The following PKD1 variants were observed in gnomAD, a reference collection of about 807,000 sequenced individuals.
PKD1 encodes the protein polycystin 1, transient receptor potential channel interacting, also known as polycystin-1.
Under a neutral mutation model 361.7 loss-of-function variants are expected in PKD1, and 81 were observed. The observed-to-expected ratio is 0.22, with a 90% CI of 0.19 to 0.27. The LOEUF is 0.27. Among genes scored for constraint, PKD1 ranks in the 10% least tolerant of loss-of-function variants. PKD1 has a pLI of 1.00. For missense variants in PKD1, 6,399 were observed against 6,118.3 expected (o/e 1.05, Z -1.53); for synonymous variants, 3,615 against 2,818.3 (o/e 1.28, Z -8.95).
intron 11 of PKD1, 84 bp from the exon 12 acceptor site, chr16:2,113,376 C>G (rs897375317): frequency 7.7e-7 from 1 of 1,299,946 alleles, no homozygotes; most frequent in African/African-American, 1.5e-5. Flanking sequence ...TCCCGTCGGG[C>G]TGGAGAGTCC....
intron 1 of PKD1, among the ~76,000 whole-genome samples, chr16:2,126,008 G>T (rs1029198225): frequency 2.6e-5 from 4 of 152,076 alleles, no homozygotes; most frequent in East Asian, 1.9e-4. Context: ...GGATGGTGGG[G>T]GGGGGGGCAA....
At chr16:2,091,709 C>T (rs987743414) in intron 41 of PKD1, 72 bp downstream of exon 41, 77 of 1,585,826 alleles carry the variant, frequency 4.9e-5, no homozygotes, top group Non-Finnish European at 6.3e-5. Flanking sequence ...CAGCGGGGGC[C>T]GGAGGAGTGA....
chr16:2,115,101 C>T (rs759856181), intron 10 of PKD1, 176 bp from the exon 11 acceptor site: 17 of 983,932 alleles, frequency 1.7e-5, no homozygotes, highest in African/African-American at 1.0e-4. Flanking sequence ...GGGGGACACA[C>T]GGGGAGAGGA....
rs372970971 is a variant in PKD1 at position 2,110,019 on chromosome 16, C to A, written c.5148G>T (p.Glu1716Asp). Residue 1716 changes from glutamate (E) to aspartate (D), a missense_variant, in exon 15 of 46, where the codon GAG becomes GAT. Transcript: ENST00000262304. ...CGGCCACCATCAGCCACCCCACAGG[C>A]TCCACGAAGTCCATGGTGCAGTCGG... ...AWADCTMDFV[E>D]PVGWLMVAAS... 1.2e-6 allele frequency: 2 copies of A among 1,610,398 alleles called. No individual in the cohort carries two copies. Among genetic ancestry groups the A allele is most frequent in the South Asian group, 1.1e-5 (1 of 90,964 alleles).
In PKD1 at chr16:2,102,648, G is replaced by C. The variant is rs374621309; in HGVS notation, c.8949-15C>G. The C allele has an allele frequency of 8.0e-5, 129 of 1,610,892 alleles. No homozygotes were observed. In the African/African-American group the frequency reaches 1.5e-3, roughly 19 times the overall value. Reference sequence around the variant, plus strand: ...GGTCTCTGCTCCTGGGCAGGGAAGGGGTAGCGGACGTGAGCCCAGGCTCCG... The same window carrying C: ...GGTCTCTGCTCCTGGGCAGGGAAGGCGTAGCGGACGTGAGCCCAGGCTCCG... On this transcript the variant is annotated splice_polypyrimidine_tract_variant and intron_variant, in intron 24 of 45. Transcript: ENST00000262304.
At chr16:2,098,365 T>C (rs1423756113) in intron 30 of PKD1, among the ~76,000 whole-genome samples, 18 of 152,126 alleles carry the variant, frequency 1.2e-4, no homozygotes, top group African/African-American at 2.4e-4. Flanking sequence ...CCTGCCACCA[T>C]GCCCAGCTAA....
intron 12 of PKD1, 62 bp from the exon 13 acceptor site, chr16:2,113,025 C>A: frequency 6.7e-7 from 1 of 1,501,862 alleles, no homozygotes; most frequent in Admixed American, 1.7e-5. Context: ...TGATTGGCGT[C>A]CCTCCCTCCA....
In PKD1 at chr16:2,116,576, G is replaced by C. The variant is rs1370990233; in HGVS notation, c.1675C>G (p.Pro559Ala). Residue 559 changes from proline (P) to alanine (A), a missense_variant, in exon 8 of 46, where the codon CCT becomes GCT. Pro to Ala is a conservative substitution (Grantham distance 27, BLOSUM62 -1). Transcript: ENST00000262304. ...PSGDLQGPLT[P>A]LAQQDGLSAP... ...GAGAGGCCGTCCTGCTGTGCCAGAGGCGTCAGGGGTCCCTGCAGGTCCCCA... is the reference window on the plus strand; with the variant it reads ...GAGAGGCCGTCCTGCTGTGCCAGAGCCGTCAGGGGTCCCTGCAGGTCCCCA... 47 of 1,571,092 alleles carry C rather than the reference G, an allele frequency of 3.0e-5. No homozygotes were observed. Among genetic ancestry groups the C allele is most frequent in the Non-Finnish European group, 4.0e-5 (47 of 1,162,746 alleles).
In PKD1 at chr16:2,091,465, C is replaced by T. The variant is rs1173721849; in HGVS notation, c.11670G>A (p.Leu3890=). The T allele has an allele frequency of 3.1e-6, 4 of 1,290,140 alleles. No homozygotes were observed. The highest frequency in any genetic ancestry group is 3.9e-6 in the Non-Finnish European group (4 of 1,020,132). 79.9% of individuals were successfully genotyped at this position (1,290,140 alleles called of 1,614,324 possible). ...GCGAGAGGCCCGCGCTGAGGCGGCG[C>T]AGCGCAAAGGGGCGGACGCTGAGGG... is the stretch of plus-strand genomic sequence containing the variant. The part of the protein sequence containing the change: ...LAALSVRPFA[L]RRLSAGLSLP... The change falls in exon 42 of 46, where the codon CTG becomes CTA. Residue 3890 remains leucine (L), a synonymous_variant. Coordinates refer to ENST00000262304, the MANE Select transcript of PKD1 (RefSeq NM_001009944.3).
Position 2,099,981 on chromosome 16 carries a change from T to A in PKD1, c.9803A>T (p.Asp3268Val). ...AGTGAAACGGCTACGAGGCGGCCGG[T>A]CCCATATGGAGAGCCAGATGTGCTT... Reference protein sequence around the residue: ...FDKHIWLSIWDRPPRSRFTRI... With the variant: ...FDKHIWLSIWVRPPRSRFTRI... The change falls in exon 29 of 46, where the codon GAC becomes GTC. Residue 3268 changes from aspartate (D) to valine (V), a missense_variant. By Grantham distance (152) the Asp-to-Val change is radical (BLOSUM62 -3). Transcript: ENST00000262304. The A allele has an allele frequency of 6.4e-7, 1 of 1,563,618 alleles. No individual in the cohort carries two copies. Among genetic ancestry groups the A allele is most frequent in the Non-Finnish European group, 8.7e-7 (1 of 1,155,694 alleles).
In PKD1 at chr16:2,112,354, G is replaced by T; in HGVS notation, c.3281C>A (p.Thr1094Asn). Residue 1094 changes from threonine to asparagine, a missense_variant, in exon 14 of 46, where the codon ACC (threonine) becomes AAC (asparagine). By Grantham distance (65) the Thr-to-Asn change is moderately conservative. Coordinates refer to ENST00000262304, the MANE Select transcript of PKD1 (RefSeq NM_001009944.3). ...TCATCCCTCACCTGGGGCAGCGTAG[G>T]TGTGCATGACATTGTGCTCCACCAG... The part of the protein sequence containing the change: ...QVLVEHNVMH[T>N]YAAPGEYLLT... 1.9e-6 allele frequency: 3 copies of T among 1,588,116 alleles called. No homozygotes were observed. Among genetic ancestry groups the T allele is most frequent in the Non-Finnish European group, 1.7e-6 (2 of 1,174,854 alleles).
rs773278017 is a variant in PKD1 at position 2,089,614 on chromosome 16, T to G, written c.*113A>C. The G allele has an allele frequency of 9.8e-6, 13 of 1,323,278 alleles. No individual in the cohort carries two copies. The highest frequency in any genetic ancestry group is 1.3e-5 in the Non-Finnish European group (12 of 954,006). The allele number at this position is 1,323,278 out of a possible 1,614,324, so 82.0% of individuals were successfully genotyped here. A position where few individuals can be genotyped will look rare whatever the true frequency, so the allele number is the denominator to read the frequency against. Reference sequence around the variant, plus strand: ...CAGACAGATGCCCCTGCCTGCTCTCTGGGGAACCTACGTGCAGCCATTCTG... The same window carrying G: ...CAGACAGATGCCCCTGCCTGCTCTCGGGGGAACCTACGTGCAGCCATTCTG... On this transcript the variant is annotated 3_prime_UTR_variant, in exon 46 of 46. Coordinates refer to ENST00000262304, the MANE Select transcript of PKD1 (RefSeq NM_001009944.3).
chr16:2,108,401 G>A lies in PKD1; in HGVS notation c.6766C>T (p.Leu2256=). Residue 2256 remains leucine (L), a synonymous_variant, in exon 15 of 46, where the codon CTG becomes TTG. Coordinates refer to ENST00000262304, the MANE Select transcript of PKD1 (RefSeq NM_001009944.3). ...GAGCCACCCTCAATGATGGGCACCA[G>A]GCGCTCGGGGGCCACCGTCACATTG... ...QANVTVAPER[L]VPIIEGGSYR... 2.5e-6 allele frequency: 4 copies of A among 1,610,594 alleles called. No homozygotes were observed. The highest frequency in any genetic ancestry group is 1.1e-5 in the South Asian group (1 of 90,998).
chr16:2,111,127 T>C lies in PKD1; in HGVS notation c.4040A>G (p.His1347Arg). Residue 1347 changes from histidine to arginine, a missense_variant, in exon 15 of 46, where the codon CAC (histidine) becomes CGC (arginine). Transcript: ENST00000262304. ...TTVRGCPTVT[H>R]NFTRSGTFPL... is the part of the protein sequence containing the mutation. Reference sequence around the variant, plus strand: ...GAACGTGCCGCTCCGCGTGAAGTTGTGTGTCACCGTCGGGCACCCCCGCAC... The same window carrying C: ...GAACGTGCCGCTCCGCGTGAAGTTGCGTGTCACCGTCGGGCACCCCCGCAC... The C allele has an allele frequency of 6.2e-7, 1 of 1,610,886 alleles. No individual in the cohort carries two copies. The highest frequency in any genetic ancestry group is 1.7e-5 in the Admixed American group (1 of 60,004).
In PKD1 at chr16:2,088,751, G is replaced by A. The variant is rs538964708; in HGVS notation, c.*976C>T. On this transcript the variant is annotated 3_prime_UTR_variant, in exon 46 of 46. Coordinates refer to ENST00000262304, the MANE Select transcript of PKD1 (RefSeq NM_001009944.3). The stretch of plus-strand genomic sequence containing the variant: ...TTTATTGACTTTGTCTGCTTGGTGC[G>A]GGGGTTGGGGGGGTGTCGAGGCTCT... 49 of 1,138,316 alleles carry A rather than the reference G, an allele frequency of 4.3e-5. No homozygotes were observed. The highest frequency in any genetic ancestry group is 6.2e-5 in the African/African-American group (4 of 64,358). 70.5% of individuals were successfully genotyped at this position (1,138,316 alleles called of 1,614,324 possible). A position where few individuals can be genotyped will look rare whatever the true frequency, so the allele number is the denominator to read the frequency against.
Position 2,106,700 on chromosome 16 carries a change from G to A in PKD1, c.7210-23C>T, listed in dbSNP as rs1001283562. ...CCGCTGCAGGCAGAAGGGGTGGTGAGGGGGCGCAACCCTCTGCCCTGTCAG... is the reference window on the plus strand; with the variant it reads ...CCGCTGCAGGCAGAAGGGGTGGTGAAGGGGCGCAACCCTCTGCCCTGTCAG... On this transcript the variant is annotated intron_variant, in intron 17 of 45. Transcript: ENST00000262304. The surrounding 1 kb of genome is among the most constrained non-coding windows in gnomAD (Gnocchi z 6.5). The A allele has an allele frequency of 5.7e-6, 9 of 1,583,906 alleles. No homozygotes were observed. Among genetic ancestry groups the A allele is most frequent in the African/African-American group, 4.0e-5 (3 of 74,416 alleles).
Position 2,103,908 on chromosome 16 carries a change from G to C in PKD1, c.8162-13C>G, listed in dbSNP as rs766749006. The C allele has an allele frequency of 6.8e-7, 1 of 1,479,926 alleles. No homozygotes were observed. The highest frequency in any genetic ancestry group is 2.7e-5 in the East Asian group (1 of 37,222). The allele number at this position is 1,479,926 out of a possible 1,614,324, so 91.7% of individuals were successfully genotyped here. ...TGGATGAGGTCTCCTGCAGACATGC[G>C]TGAGGTCAGTGCAGAGACAGGGAGG... is the stretch of plus-strand genomic sequence containing the variant. On this transcript the variant is annotated splice_polypyrimidine_tract_variant and intron_variant, in intron 22 of 45. Transcript: ENST00000262304.
rs2092460607 is a variant in PKD1 at position 2,110,114 on chromosome 16, G to A, written c.5053C>T (p.Leu1685Phe). 1 of 1,609,562 alleles carries A rather than the reference G, an allele frequency of 6.2e-7. No individual in the cohort carries two copies. The highest frequency in any genetic ancestry group is 1.3e-5 in the African/African-American group (1 of 74,840). The change falls in exon 15 of 46, where the codon CTC becomes TTC. Residue 1685 changes from leucine (L) to phenylalanine (F), a missense_variant. Coordinates refer to ENST00000262304, the MANE Select transcript of PKD1 (RefSeq NM_001009944.3). ...TAGGTGCCGGCCTCGAGCACGGTGA[G>A]CGAGAAGCCTTTGCCGCTGCCGGCC... Reference protein sequence around the residue: ...ALAGSGKGFSLTVLEAGTYHV... With the variant: ...ALAGSGKGFSFTVLEAGTYHV...
In PKD1 at chr16:2,096,909, T is replaced by C. The variant is rs1328007311; in HGVS notation, c.10499+239A>G. 6.9e-6 allele frequency: 4 copies of C among 579,330 alleles called. No homozygotes were observed. In the East Asian group the frequency reaches 1.1e-4, roughly 17 times the overall value. The allele number at this position is 579,330 out of a possible 1,614,324, so 35.9% of individuals were successfully genotyped here. A position where few individuals can be genotyped will look rare whatever the true frequency, so the allele number is the denominator to read the frequency against. On this transcript the variant is annotated intron_variant, in intron 34 of 45. Coordinates refer to ENST00000262304, the MANE Select transcript of PKD1 (RefSeq NM_001009944.3). ...CCCGGCCAGCCTCACACAGGAGCCT[T>C]TCTGCTCCTACAAAGCCCCATGAGC...
Sources: allele counts gnomAD v4.1 joint callset (sites outside exome capture counted in the v4.1 genomes callset), GRCh38; gene constraint gnomAD v4.1.1; non-coding constraint Gnocchi (gnomAD v3.1); transcripts MANE v1.5; gene names NCBI Gene and HGNC (gene_info 2026-07-23, HGNC 2026-07-21).